Variants in ZZEF1 observed in about 807,000 individuals in gnomAD.
ZZEF1 encodes zinc finger ZZ-type and EF-hand domain-containing protein 1.
Under a neutral mutation model 342.8 loss-of-function variants are expected in ZZEF1, and 157 were observed. That is an observed-to-expected ratio of 0.46 (90% CI 0.40 to 0.52). ZZEF1 has a LOEUF of 0.52. ZZEF1 is among the 20% of genes least tolerant of loss of function. The probability of loss-of-function intolerance (pLI) is 0.00; values close to 1 mark genes in which losing one functional copy is unlikely to be tolerated. For missense variants in ZZEF1, 3,480 were observed against 3,725.6 expected, an observed-to-expected ratio of 0.93 and a Z score of 1.72; for synonymous variants, 1,505 against 1,429.1, an observed-to-expected ratio of 1.05 and a Z score of -1.20.
chr17:4,072,589 A>G lies in ZZEF1; in HGVS notation c.3834+19T>C. On this transcript the variant is annotated intron_variant, in intron 25 of 54. Transcript: ENST00000381638. ...GGCAGTTTCCAGTCTAAATAGAAAGAAAACGGAAGAGTAAATACCTCCTTA... is the reference window on the plus strand; with the variant it reads ...GGCAGTTTCCAGTCTAAATAGAAAGGAAACGGAAGAGTAAATACCTCCTTA... 6.3e-7 allele frequency: 1 copy of G among 1,588,066 alleles called. No individual in the cohort carries two copies. Among genetic ancestry groups the G allele is most frequent in the Non-Finnish European group, 8.6e-7 (1 of 1,166,662 alleles).
intron 1 of ZZEF1, among the ~76,000 whole-genome samples, chr17:4,127,691 A>G (rs754564598): frequency 6.6e-6 from 1 of 152,180 alleles, no homozygotes; most frequent in Admixed American, 6.5e-5. Context: ...GGCACAACTG[A>G]AAGTGAGAAT....
intron 7 of ZZEF1, among the ~76,000 whole-genome samples, chr17:4,105,114 G>C (rs2058189617): frequency 6.6e-6 from 1 of 152,202 alleles, no homozygotes; most frequent in Non-Finnish European, 1.5e-5. Context: ...GGCTTGACCA[G>C]AGAGTTGAGG....
In ZZEF1 at chr17:4,076,955, A is replaced by G; in HGVS notation, c.3024T>C (p.Ile1008=). ...TGTACTGTGAGAAAAGGGATTCCAAAATCGCTCTCATGCTTGCCAGAAACT... is the reference window on the plus strand; with the variant it reads ...TGTACTGTGAGAAAAGGGATTCCAAGATCGCTCTCATGCTTGCCAGAAACT... ...VGQFLASMRA[I]LESLFSQYSG... is the part of the protein sequence containing the mutation. Residue 1008 remains isoleucine (I), a synonymous_variant, in exon 20 of 55, where the codon ATT becomes ATC. Coordinates refer to ENST00000381638, the MANE Select transcript of ZZEF1 (RefSeq NM_015113.4). The G allele has an allele frequency of 6.2e-7, 1 of 1,614,118 alleles. No homozygotes were observed.
chr17:4,017,556 A>T lies in ZZEF1; in HGVS notation c.7816T>A (p.Tyr2606Asn). The change falls in exon 48 of 55, where the codon TAC becomes AAC. Residue 2606 changes from tyrosine (Y) to asparagine (N), a missense_variant. Tyr to Asn is a moderately radical substitution (Grantham distance 143). Transcript: ENST00000381638. This position sits in a 1 kb window ranked among gnomAD's most constrained non-coding sequence, Gnocchi z 5.1. The part of the protein sequence containing the change: ...NCKSKRAVRD[Y>N]LFRVNEATAV... ...GTGGCCTCGTTCACTCGGAAGAGGT[A>T]GTCCCGGACAGCCCTCTTACTCTTG... The T allele has an allele frequency of 6.2e-7, 1 of 1,614,262 alleles. No homozygotes were observed. Among genetic ancestry groups the T allele is most frequent in the Non-Finnish European group, 8.5e-7 (1 of 1,180,034 alleles).
chr17:4,049,999 GA>G, intron 36 of ZZEF1, 140 bp from the exon 37 acceptor site: 1 of 911,446 alleles, frequency 1.1e-6, no homozygotes, highest in Non-Finnish European at 1.6e-6. Context: ...GACTCAACGT[GA>G]ACATCCCTCG....
At chr17:4,035,973 GC>G (rs1156886184) in intron 39 of ZZEF1, among the ~76,000 whole-genome samples, 1 of 151,310 alleles carries the variant, frequency 6.6e-6, no homozygotes, top group East Asian at 1.9e-4. Context: ...AGTGGTTGGC[GC>G]CTGTAATTCC....
At chr17:4,134,881 A>C (rs118135015) in intron 1 of ZZEF1, among the ~76,000 whole-genome samples, 2,866 of 152,264 alleles carry the variant, frequency 0.019, 50 homozygotes, top group Middle Eastern at 0.078. Flanking sequence ...AGGAGTTTGA[A>C]AGTATATGGC....
chr17:4,017,472 C>G lies in ZZEF1; in HGVS notation c.7900G>C (p.Val2634Leu), dbSNP rs748965022. ...TCCAGGATGTCCTCGCTCACTGGCA[C>G]GTGGCTAGGCCACTCGGCGAGCAGG... ...ASLLAEWPSHVPVSEDILELS... is the reference protein window; with the variant it reads ...ASLLAEWPSHLPVSEDILELS... The change falls in exon 48 of 55, where the codon GTG (valine) becomes CTG (leucine). Residue 2634 changes from valine (V) to leucine (L), a missense_variant. Physicochemically the swap from Val to Leu is conservative, Grantham distance 32. Around this residue, in one of 5 missense-constraint regions of ZZEF1, gnomAD observed 1,269 missense variants for 1,342.4 expected, o/e 0.95. Coordinates refer to ENST00000381638, the MANE Select transcript of ZZEF1 (RefSeq NM_015113.4). The surrounding 1 kb of genome is among the most constrained non-coding windows in gnomAD (Gnocchi z 5.1). 1.9e-6 allele frequency: 3 copies of G among 1,614,258 alleles called. No homozygotes were observed. The South Asian group carries it at 3.3e-5, about 18-fold the overall frequency.
intron 39 of ZZEF1, among the ~76,000 whole-genome samples, chr17:4,035,017 C>CTG (rs998589728): frequency 6.6e-6 from 1 of 151,932 alleles, no homozygotes. Flanking sequence ...AACAACATGT[C>CTG]TGTGTGTGTA....
chr17:4,090,867 T>G, intron 11 of ZZEF1, 37 bp from the exon 12 acceptor site: 1 of 1,537,766 alleles, frequency 6.5e-7, no homozygotes, highest in Non-Finnish European at 9.0e-7. Context: ...CATTTTATTT[T>G]GAAACTTCTC....
At chr17:4,117,196 T>C (rs940340999) in intron 2 of ZZEF1, 30 bp from the exon 3 acceptor site, 1 of 1,581,868 alleles carries the variant, frequency 6.3e-7, no homozygotes, top group Non-Finnish European at 8.6e-7. Flanking sequence ...TTTTGGTGTT[T>C]TGGGGAAGCC....
chr17:4,013,424 G>A, intron 52 of ZZEF1, 25 bp downstream of exon 52: 1 of 1,558,100 alleles, frequency 6.4e-7, no homozygotes, highest in Non-Finnish European at 8.7e-7. Flanking sequence ...CCTGGCAAAG[G>A]GCTGCCATCC....
chr17:4,023,233 G>A (rs563586452), intron 43 of ZZEF1, among the ~76,000 whole-genome samples: 1 of 152,178 alleles, frequency 6.6e-6, no homozygotes, highest in South Asian at 2.1e-4. Flanking sequence ...CTTATCTATC[G>A]GTTCAAATTT....
At position 4,008,636 on chromosome 17, in the gene ZZEF1, G is replaced by GT. The variant is rs1398527008; in HGVS notation, c.8805+246dup. 2.2e-5 allele frequency: 26 copies of GT among 1,204,772 alleles called. No individual in the cohort carries two copies. Among genetic ancestry groups the GT allele is most frequent in the African/African-American group, 3.1e-5 (2 of 63,786 alleles). The allele number at this position is 1,204,772 out of a possible 1,614,324, so 74.6% of individuals were successfully genotyped here. On this transcript the variant is annotated intron_variant, in intron 54 of 54. Transcript: ENST00000381638. This position sits in a 1 kb window ranked among gnomAD's most constrained non-coding sequence, Gnocchi z 4.2. ...CAGCCAAACTAAATTTAAGGCATCG[G>GT]TTGTTTTGGTTTTAAAGACACAAAT... is the stretch of plus-strand genomic sequence containing the variant.
At chr17:4,120,346 G>A (rs1321020040) in intron 2 of ZZEF1, among the ~76,000 whole-genome samples, 1 of 150,606 alleles carries the variant, frequency 6.6e-6, no homozygotes, top group African/African-American at 2.4e-5. Flanking sequence ...GACAGAGCAA[G>A]ATTCCGTCTC....
In ZZEF1 at chr17:4,044,337, T is replaced by C; in HGVS notation, c.6053A>G (p.Asp2018Gly). Reference protein sequence around the residue: ...RAVHEEIRPVDFKQRNKADKG... With the variant: ...RAVHEEIRPVGFKQRNKADKG... ...ATCTGCCTTATTTCTCTGCTTGAAA[T>C]CTACAGGTCTGATTTCCTCATGAAC... The change falls in exon 38 of 55, where the codon GAT (aspartate) becomes GGT (glycine). Residue 2018 changes from aspartate (D) to glycine (G), a missense_variant. By Grantham distance (94) the Asp-to-Gly change is moderately conservative. Around this residue, in one of 5 missense-constraint regions of ZZEF1, gnomAD observed 1,269 missense variants for 1,342.4 expected, o/e 0.95. Transcript: ENST00000381638. The C allele has an allele frequency of 6.2e-7, 1 of 1,614,070 alleles. No individual in the cohort carries two copies. The highest frequency in any genetic ancestry group is 8.5e-7 in the Non-Finnish European group (1 of 1,179,976).
chr17:4,067,542 A>G (rs1026878301), intron 26 of ZZEF1, among the ~76,000 whole-genome samples: 1 of 152,220 alleles, frequency 6.6e-6, no homozygotes, highest in African/African-American at 2.4e-5. Context: ...AAATTTTAGA[A>G]TATTAACAGT....
chr17:4,022,900 T>G (rs2056306651), intron 43 of ZZEF1, 72 bp from the exon 44 acceptor site: 4 of 1,563,438 alleles, frequency 2.6e-6, no homozygotes, highest in Admixed American at 1.8e-5. Flanking sequence ...TGTAACTCAG[T>G]CTGTTCATTC....
At chr17:4,076,560 C>T (rs2057624762) in intron 21 of ZZEF1, 77 bp downstream of exon 21, 10 of 1,541,114 alleles carry the variant, frequency 6.5e-6, no homozygotes, top group African/African-American at 1.4e-5. Context: ...ATCTGCAGTC[C>T]GTGGTCCACT....
Sources: gnomAD v4.1 joint callset for allele counts (sites outside exome capture counted in the v4.1 genomes callset) on GRCh38, gnomAD v4.1.1 for gene constraint, gnomAD v4.1.1 regional missense constraint, Gnocchi (gnomAD v3.1) non-coding constraint, MANE v1.5 for transcripts, NCBI Gene and HGNC (gene_info 2026-07-23, HGNC 2026-07-21) for gene names.